Variants in PYDC1 observed in about 807,000 individuals in gnomAD.
The protein encoded by PYDC1 is pyrin domain-containing protein 1.
A neutral mutation model predicts 0.7 loss-of-function variants in PYDC1; 1 was observed. That is an observed-to-expected ratio of 1.39 (90% CI 0.49 to 6.61). PYDC1 has a LOEUF of 6.61. PYDC1 is among the 30% of genes most tolerant of loss of function. The pLI is 0.14. For synonymous variants in PYDC1, 37 were observed against 60.9 expected, an observed-to-expected ratio of 0.61 and a Z score of 1.83; for missense variants, 129 against 124.8, an observed-to-expected ratio of 1.03 and a Z score of -0.16.
chr16:31,216,806 C>A lies in PYDC1; in HGVS notation c.223G>T (p.Asp75Tyr), dbSNP rs759953624. Reference sequence around the variant, plus strand: ...GCGGCCTCCTCCAACATGCGCATGTCGCGCAGCACGGCCACGACGAGCTCG... The same window carrying A: ...GCGGCCTCCTCCAACATGCGCATGTAGCGCAGCACGGCCACGACGAGCTCG... ...AAELVVAVLR[D>Y]MRMLEEAARL... Residue 75 changes from aspartate (D) to tyrosine (Y), a missense_variant, in exon 1 of 2, where the codon GAC becomes TAC. Physicochemically the swap from Asp to Tyr is radical, Grantham distance 160. Coordinates refer to ENST00000302964, the MANE Select transcript of PYDC1 (RefSeq NM_152901.4). The surrounding 1 kb of genome is among the most constrained non-coding windows in gnomAD (Gnocchi z 6.7). 19 of 1,611,274 alleles carry A rather than the reference C, an allele frequency of 1.2e-5. No individual in the cohort carries two copies. In the African/African-American group the frequency reaches 2.1e-4, roughly 18 times the overall value.
chr16:31,216,868 T>A lies in PYDC1; in HGVS notation c.161A>T (p.Asp54Val). Reference protein sequence around the residue: ...LGQLDIVDLTDKLVASYYEDY... With the variant: ...LGQLDIVDLTVKLVASYYEDY... ...CTCGTAGTAGGAGGCGACCAGCTTG[T>A]CGGTGAGGTCCACGATATCTAGCTG... The change falls in exon 1 of 2, where the codon GAC (aspartate) becomes GTC (valine). Residue 54 changes from aspartate to valine, a missense_variant. Transcript: ENST00000302964. The surrounding 1 kb of genome is among the most constrained non-coding windows in gnomAD (Gnocchi z 6.7). 1 of 1,613,870 alleles carries A rather than the reference T, an allele frequency of 6.2e-7. No homozygotes were observed. Among genetic ancestry groups the A allele is most frequent in the South Asian group, 1.1e-5 (1 of 91,092 alleles).
In PYDC1 at chr16:31,216,916, C is replaced by A; in HGVS notation, c.113G>T (p.Arg38Leu). ...CTGCCCGAGCGCGCCCCGCGGGATG[C>A]GCTCAAAGCCCTCGCGCAGCGGCAC... ...GTVPLREGFERIPRGALGQLD... is the reference protein window; with the variant it reads ...GTVPLREGFELIPRGALGQLD... Residue 38 changes from arginine (R) to leucine (L), a missense_variant, in exon 1 of 2, where the codon CGC becomes CTC. Arg to Leu is a moderately radical substitution (Grantham distance 102). Transcript: ENST00000302964. This position sits in a 1 kb window ranked among gnomAD's most constrained non-coding sequence, Gnocchi z 6.7. 6.2e-7 allele frequency: 1 copy of A among 1,614,132 alleles called. No homozygotes were observed. The highest frequency in any genetic ancestry group is 8.5e-7 in the Non-Finnish European group (1 of 1,180,038).
In PYDC1 at chr16:31,216,827, G is replaced by C; in HGVS notation, c.202C>G (p.Leu68Val). 6.2e-7 allele frequency: 1 copy of C among 1,613,372 alleles called. No individual in the cohort carries two copies. The highest frequency in any genetic ancestry group is 8.5e-7 in the Non-Finnish European group (1 of 1,179,704). ...ASYYEDYAAELVVAVLRDMRM... is the reference protein window; with the variant it reads ...ASYYEDYAAEVVVAVLRDMRM... ...ATGTCGCGCAGCACGGCCACGACGA[G>C]CTCGGCTGCGTAGTCCTCGTAGTAG... The change falls in exon 1 of 2, where the codon CTC (leucine) becomes GTC (valine). Residue 68 changes from leucine (L) to valine (V), a missense_variant. Physicochemically the swap from Leu to Val is conservative, Grantham distance 32. Coordinates refer to ENST00000302964, the MANE Select transcript of PYDC1 (RefSeq NM_152901.4). This position sits in a 1 kb window ranked among gnomAD's most constrained non-coding sequence, Gnocchi z 6.7.
rs568514714 is a variant in PYDC1, at chr16:31,216,107, T to A, written c.*67A>T. On this transcript the variant is annotated 3_prime_UTR_variant, in exon 2 of 2. Coordinates refer to ENST00000302964, the MANE Select transcript of PYDC1 (RefSeq NM_152901.4). The surrounding 1 kb of genome is among the most constrained non-coding windows in gnomAD (Gnocchi z 6.7). ...TTGTCTTACGCGACTGGTGCGCGCG[T>A]GGGGCTGGCTTCACAGGCGTTGCAT... 6.6e-6 allele frequency: 1 copy of A among 152,300 alleles called. No homozygotes were observed. The highest frequency in any genetic ancestry group is 1.5e-5 in the Non-Finnish European group (1 of 68,054). 9.4% of individuals were successfully genotyped at this position (152,300 alleles called of 1,614,324 possible).
rs773221445 is a variant in PYDC1, at chr16:31,217,039, T to C, written c.-11A>G. 6.2e-7 allele frequency: 1 copy of C among 1,605,880 alleles called. No homozygotes were observed. The highest frequency in any genetic ancestry group is 1.1e-5 in the South Asian group (1 of 90,808). On this transcript the variant is annotated 5_prime_UTR_variant, in exon 1 of 2. Coordinates refer to ENST00000302964, the MANE Select transcript of PYDC1 (RefSeq NM_152901.4). The stretch of plus-strand genomic sequence containing the variant: ...GCGCTTCGTTCCCATGGCTCAGCCC[T>C]GCGCCTCTGAGCCTCCGAGGGCCTG...
chr16:31,216,752 G>T lies in PYDC1; in HGVS notation c.*7C>A, dbSNP rs778842963. 6.3e-7 allele frequency: 1 copy of T among 1,596,374 alleles called. No individual in the cohort carries two copies. Among genetic ancestry groups the T allele is most frequent in the Admixed American group, 1.7e-5 (1 of 59,646 alleles). On this transcript the variant is annotated 3_prime_UTR_variant, in exon 1 of 2. Coordinates refer to ENST00000302964, the MANE Select transcript of PYDC1 (RefSeq NM_152901.4). This position sits in a 1 kb window ranked among gnomAD's most constrained non-coding sequence, Gnocchi z 6.7. ...TCCCGAGATCACGTACCAGCTCAGA[G>T]TGGCCCTCACGCAGCCCGCTGCAGC...
rs752162442 is a variant in PYDC1 at position 31,216,824 on chromosome 16, C to T, written c.205G>A (p.Val69Ile). ...SYYEDYAAEL[V>I]VAVLRDMRML... ...CGCATGTCGCGCAGCACGGCCACGA[C>T]GAGCTCGGCTGCGTAGTCCTCGTAG... The change falls in exon 1 of 2, where the codon GTC (valine) becomes ATC (isoleucine). Residue 69 changes from valine to isoleucine, a missense_variant. Val to Ile is a conservative substitution (Grantham distance 29). Coordinates refer to ENST00000302964, the MANE Select transcript of PYDC1 (RefSeq NM_152901.4). The surrounding 1 kb of genome is among the most constrained non-coding windows in gnomAD (Gnocchi z 6.7). The T allele has an allele frequency of 1.4e-5, 23 of 1,612,926 alleles. No homozygotes were observed. Among genetic ancestry groups the T allele is most frequent in the Non-Finnish European group, 2.0e-5 (23 of 1,179,434 alleles).
In PYDC1 at chr16:31,216,780, T is replaced by C; in HGVS notation, c.249A>G (p.Ala83=). Residue 83 remains alanine (A), a synonymous_variant, in exon 1 of 2, where the codon GCA becomes GCG. Transcript: ENST00000302964. This position sits in a 1 kb window ranked among gnomAD's most constrained non-coding sequence, Gnocchi z 6.7. The stretch of plus-strand genomic sequence containing the variant: ...GCCCTCACGCAGCCCGCTGCAGCCG[T>C]GCGGCCTCCTCCAACATGCGCATGT... ...LRDMRMLEEA[A]RLQRAA is the part of the protein sequence containing the mutation. 1 of 1,604,900 alleles carries C rather than the reference T, an allele frequency of 6.2e-7. No individual in the cohort carries two copies. The highest frequency in any genetic ancestry group is 8.5e-7 in the Non-Finnish European group (1 of 1,173,286).
Position 31,216,881 on chromosome 16 carries a change from C to G in PYDC1, c.148G>C (p.Val50Leu). Reference sequence around the variant, plus strand: ...GCGACCAGCTTGTCGGTGAGGTCCACGATATCTAGCTGCCCGAGCGCGCCC... The same window carrying G: ...GCGACCAGCTTGTCGGTGAGGTCCAGGATATCTAGCTGCCCGAGCGCGCCC... ...PRGALGQLDI[V>L]DLTDKLVASY... The change falls in exon 1 of 2, where the codon GTG becomes CTG. Residue 50 changes from valine (V) to leucine (L), a missense_variant. Transcript: ENST00000302964. The surrounding 1 kb of genome is among the most constrained non-coding windows in gnomAD (Gnocchi z 6.7). The G allele has an allele frequency of 1.9e-6, 3 of 1,613,960 alleles. No individual in the cohort carries two copies. Among genetic ancestry groups the G allele is most frequent in the Non-Finnish European group, 2.5e-6 (3 of 1,179,990 alleles).
chr16:31,216,972 C>G lies in PYDC1; in HGVS notation c.57G>C (p.Glu19Asp). ...CCAGCTTCATCTTGAACTTCTTGAG[C>G]TCCTCCGGTGTCAGGTTCTCCAGCA... ...LKVLENLTPE[E>D]LKKFKMKLGT... Residue 19 changes from glutamate to aspartate, a missense_variant, in exon 1 of 2, where the codon GAG becomes GAC. By Grantham distance (45) the Glu-to-Asp change is conservative. Transcript: ENST00000302964. This position sits in a 1 kb window ranked among gnomAD's most constrained non-coding sequence, Gnocchi z 6.7. The G allele has an allele frequency of 6.2e-7, 1 of 1,614,174 alleles. No homozygotes were observed. Among genetic ancestry groups the G allele is most frequent in the African/African-American group, 1.3e-5 (1 of 75,078 alleles).
chr16:31,217,104 G>A lies in PYDC1; in HGVS notation c.-76C>T. The A allele has an allele frequency of 1.4e-6, 2 of 1,462,310 alleles. No individual in the cohort carries two copies. Among genetic ancestry groups the A allele is most frequent in the Non-Finnish European group, 1.9e-6 (2 of 1,080,192 alleles). 90.6% of individuals were successfully genotyped at this position (1,462,310 alleles called of 1,614,324 possible). ...TACCTTTCCTGCAGCAGGTGGAGCT[G>A]CCGCCCCCGGGGATGTCCCGGGAAG... is the stretch of plus-strand genomic sequence containing the variant. On this transcript the variant is annotated 5_prime_UTR_variant, in exon 1 of 2. Transcript: ENST00000302964.
At position 31,216,941 on chromosome 16, in the gene PYDC1, C is replaced by T. The variant is rs375073317; in HGVS notation, c.88G>A (p.Val30Met). The T allele has an allele frequency of 1.4e-5, 23 of 1,614,034 alleles. No homozygotes were observed. Among genetic ancestry groups the T allele is most frequent in the Non-Finnish European group, 1.9e-5 (23 of 1,180,034 alleles). ...CGCTCAAAGCCCTCGCGCAGCGGCA[C>T]CGTCCCCAGCTTCATCTTGAACTTC... The part of the protein sequence containing the change: ...LKKFKMKLGT[V>M]PLREGFERIP... The change falls in exon 1 of 2, where the codon GTG becomes ATG. Residue 30 changes from valine (V) to methionine (M), a missense_variant. Val to Met is a conservative substitution (Grantham distance 21). Coordinates refer to ENST00000302964, the MANE Select transcript of PYDC1 (RefSeq NM_152901.4). This position sits in a 1 kb window ranked among gnomAD's most constrained non-coding sequence, Gnocchi z 6.7.
rs1012320148 is a variant in PYDC1, at chr16:31,216,799, C to A, written c.230G>T (p.Arg77Leu). The change falls in exon 1 of 2, where the codon CGC (arginine) becomes CTC (leucine). Residue 77 changes from arginine to leucine, a missense_variant. Arg to Leu is a moderately radical substitution (Grantham distance 102). Coordinates refer to ENST00000302964, the MANE Select transcript of PYDC1 (RefSeq NM_152901.4). The surrounding 1 kb of genome is among the most constrained non-coding windows in gnomAD (Gnocchi z 6.7). ...CAGCCGTGCGGCCTCCTCCAACATGCGCATGTCGCGCAGCACGGCCACGAC... is the reference window on the plus strand; with the variant it reads ...CAGCCGTGCGGCCTCCTCCAACATGAGCATGTCGCGCAGCACGGCCACGAC... ...ELVVAVLRDM[R>L]MLEEAARLQR... 3 of 1,611,034 alleles carry A rather than the reference C, an allele frequency of 1.9e-6. No individual in the cohort carries two copies. Among genetic ancestry groups the A allele is most frequent in the Non-Finnish European group, 2.5e-6 (3 of 1,177,946 alleles).
At position 31,216,626 on chromosome 16, in the gene PYDC1, A is replaced by G; in HGVS notation, c.*16+117T>C. 1.8e-6 allele frequency: 2 copies of G among 1,082,088 alleles called. No individual in the cohort carries two copies. Among genetic ancestry groups the G allele is most frequent in the South Asian group, 3.2e-5 (2 of 61,894 alleles). The allele number at this position is 1,082,088 out of a possible 1,614,324, so 67.0% of individuals were successfully genotyped here. A position where few individuals can be genotyped will look rare whatever the true frequency, so the allele number is the denominator to read the frequency against. ...TTCGCCCCCGGGAGGGGCTGGCCGGAGGTCTGAGGGAGGACCCCAGGAGGG... is the reference window on the plus strand; with the variant it reads ...TTCGCCCCCGGGAGGGGCTGGCCGGGGGTCTGAGGGAGGACCCCAGGAGGG... On this transcript the variant is annotated intron_variant, in intron 1 of 1. Transcript: ENST00000302964. The surrounding 1 kb of genome is among the most constrained non-coding windows in gnomAD (Gnocchi z 6.7).
Position 31,216,981 on chromosome 16 carries a change from T to C in PYDC1, c.48A>G (p.Thr16=). The change falls in exon 1 of 2, where the codon ACA becomes ACG. Residue 16 remains threonine, a synonymous_variant. Coordinates refer to ENST00000302964, the MANE Select transcript of PYDC1 (RefSeq NM_152901.4). The surrounding 1 kb of genome is among the most constrained non-coding windows in gnomAD (Gnocchi z 6.7). ...TCTTGAACTTCTTGAGCTCCTCCGGTGTCAGGTTCTCCAGCACCTTCAGGA... is the reference window on the plus strand; with the variant it reads ...TCTTGAACTTCTTGAGCTCCTCCGGCGTCAGGTTCTCCAGCACCTTCAGGA... ...EAILKVLENL[T]PEELKKFKMK... 1 of 1,614,060 alleles carries C rather than the reference T, an allele frequency of 6.2e-7. No homozygotes were observed. Among genetic ancestry groups the C allele is most frequent in the Non-Finnish European group, 8.5e-7 (1 of 1,179,964 alleles).
chr16:31,216,901 G>T lies in PYDC1; in HGVS notation c.128C>A (p.Ala43Glu). 1 of 1,613,936 alleles carries T rather than the reference G, an allele frequency of 6.2e-7. No individual in the cohort carries two copies. The highest frequency in any genetic ancestry group is 8.5e-7 in the Non-Finnish European group (1 of 1,180,030). Reference protein sequence around the residue: ...REGFERIPRGALGQLDIVDLT... With the variant: ...REGFERIPRGELGQLDIVDLT... ...GTCCACGATATCTAGCTGCCCGAGC[G>T]CGCCCCGCGGGATGCGCTCAAAGCC... Residue 43 changes from alanine to glutamate, a missense_variant, in exon 1 of 2, where the codon GCG becomes GAG. Coordinates refer to ENST00000302964, the MANE Select transcript of PYDC1 (RefSeq NM_152901.4). This position sits in a 1 kb window ranked among gnomAD's most constrained non-coding sequence, Gnocchi z 6.7.
rs750411206 is a variant in PYDC1 at position 31,216,875 on chromosome 16, G to A, written c.154C>T (p.Leu52Phe). ...TAGGAGGCGACCAGCTTGTCGGTGAGGTCCACGATATCTAGCTGCCCGAGC... is the reference window on the plus strand; with the variant it reads ...TAGGAGGCGACCAGCTTGTCGGTGAAGTCCACGATATCTAGCTGCCCGAGC... ...GALGQLDIVD[L>F]TDKLVASYYE... Residue 52 changes from leucine to phenylalanine, a missense_variant, in exon 1 of 2, where the codon CTC becomes TTC. Physicochemically the swap from Leu to Phe is conservative, Grantham distance 22. Coordinates refer to ENST00000302964, the MANE Select transcript of PYDC1 (RefSeq NM_152901.4). The surrounding 1 kb of genome is among the most constrained non-coding windows in gnomAD (Gnocchi z 6.7). 1.2e-6 allele frequency: 2 copies of A among 1,613,948 alleles called. No homozygotes were observed. Among genetic ancestry groups the A allele is most frequent in the Non-Finnish European group, 8.5e-7 (1 of 1,179,982 alleles).
Sources: allele counts gnomAD v4.1 joint callset, GRCh38; gene constraint gnomAD v4.1.1; non-coding constraint Gnocchi (gnomAD v3.1); transcripts MANE v1.5; gene names NCBI Gene and HGNC (gene_info 2026-07-23, HGNC 2026-07-21).